The following ZMYND8 variants were observed in gnomAD, a reference collection of about 807,000 sequenced individuals.
ZMYND8 encodes the protein MYND-type zinc finger-containing chromatin reader ZMYND8.
Under a neutral mutation model 140.8 loss-of-function variants are expected in ZMYND8, and 37 were observed. The observed-to-expected ratio is 0.26, with a 90% CI of 0.20 to 0.35. The LOEUF (loss-of-function observed/expected upper bound fraction) is 0.35. ZMYND8 is among the 10% of genes least tolerant of loss of function. The probability of loss-of-function intolerance (pLI) is 1.00; values close to 1 mark genes in which losing one functional copy is unlikely to be tolerated. For missense variants in ZMYND8, 1,068 were observed against 1,570.0 expected (o/e 0.68, Z 5.40); for synonymous variants, 592 against 597.1 (o/e 0.99, Z 0.12).
chr20:47,356,258 A>T (rs909405353), intron 1 of ZMYND8: 8 of 986,330 alleles, frequency 8.1e-6, no homozygotes, highest in Non-Finnish European at 9.3e-6. Context: ...GCAAAAGAGA[A>T]GACAATAGTG....
chr20:47,240,513 C>T (rs1157224581), intron 14 of ZMYND8, among the ~76,000 whole-genome samples: 1 of 151,540 alleles, frequency 6.6e-6, no homozygotes, highest in Non-Finnish European at 1.5e-5. Context: ...GACTCCGTCT[C>T]AAAATAATAA....
chr20:47,268,118 A>G lies in ZMYND8; in HGVS notation c.1481-5690T>C, dbSNP rs1309359079. Among the ~76,000 whole-genome samples, 3 of 152,120 alleles carry G rather than the reference A, an allele frequency of 2.0e-5. No homozygotes were observed. The South Asian group carries it at 6.2e-4, about 32-fold the overall frequency. On this transcript the variant is annotated intron_variant, in intron 11 of 22. Transcript: ENST00000471951. The stretch of plus-strand genomic sequence containing the variant: ...CAGTGCATAAAATAATTGAAGAAGG[A>G]GGTTTCCATTTCTCTTCTCACTGCT...
chr20:47,287,095 A>T, intron 8 of ZMYND8, 134 bp downstream of exon 8: 1 of 688,764 alleles, frequency 1.5e-6, no homozygotes. Context: ...CTTTCCTTGA[A>T]GAGTAGGGGT....
In ZMYND8 at chr20:47,315,346, T is replaced by C. The variant is rs548457583; in HGVS notation, c.86-5142A>G. 2.4e-3 allele frequency among the ~76,000 whole-genome samples: 366 copies of C among 152,236 alleles called. 4 individuals are homozygous for C. The highest frequency in any genetic ancestry group is 8.5e-3 in the African/African-American group (355 of 41,550). ...TGCTGTTACAAACACCAATTCCCCC[T>C]GGAGTTGATGAGAGTTCAGTGACTG... is the stretch of plus-strand genomic sequence containing the variant. On this transcript the variant is annotated intron_variant, in intron 2 of 22. Transcript: ENST00000471951.
chr20:47,212,540 G>T, intron 22 of ZMYND8, 102 bp downstream of exon 22: 1 of 1,324,858 alleles, frequency 7.5e-7, no homozygotes, highest in South Asian at 1.2e-5. Context: ...AACAGGAGAA[G>T]ACACACCCAC....
intron 10 of ZMYND8, among the ~76,000 whole-genome samples, chr20:47,280,610 A>AT (rs1158383681): frequency 1.3e-5 from 2 of 151,942 alleles, no homozygotes; most frequent in Non-Finnish European, 2.9e-5. Context: ...GGTAGGTATT[A>AT]TTTTTTCCCA....
chr20:47,330,897 T>C (rs1035376940), intron 2 of ZMYND8, among the ~76,000 whole-genome samples: 1 of 152,188 alleles, frequency 6.6e-6, no homozygotes, highest in Non-Finnish European at 1.5e-5. Flanking sequence ...TAAAACAGGA[T>C]GAGCAAAAAC....
chr20:47,347,427 C>T (rs1482081207), intron 2 of ZMYND8, among the ~76,000 whole-genome samples: 2 of 152,240 alleles, frequency 1.3e-5, no homozygotes, highest in Non-Finnish European at 2.9e-5. Flanking sequence ...CTTTTTATCT[C>T]TAACCCAAGA....
intron 21 of ZMYND8, among the ~76,000 whole-genome samples, chr20:47,217,015 C>T (rs73302081): frequency 0.092 from 13,921 of 152,018 alleles, 1,095 homozygotes; most frequent in African/African-American, 0.21. Context: ...AAATCAAAAG[C>T]GGAAAGCTGG....
intron 16 of ZMYND8, among the ~76,000 whole-genome samples, chr20:47,230,650 T>C (rs1444711837): frequency 6.6e-6 from 1 of 152,166 alleles, no homozygotes; most frequent in Non-Finnish European, 1.5e-5. Context: ...GTTTTCATTA[T>C]TTCCCGTCAA....
At chr20:47,283,206 C>G (rs1348357045) in intron 9 of ZMYND8, among the ~76,000 whole-genome samples, 2 of 152,152 alleles carry the variant, frequency 1.3e-5, no homozygotes, top group Non-Finnish European at 2.9e-5. Context: ...GAAGTATTTT[C>G]AAACCTCTTA....
intron 3 of ZMYND8, among the ~76,000 whole-genome samples, chr20:47,301,964 C>T (rs2078082622): frequency 6.7e-6 from 1 of 149,104 alleles, no homozygotes. Flanking sequence ...AGGAGCTTTT[C>T]CTCCTCTTTG....
At chr20:47,238,440 C>G (rs1251965080) in intron 15 of ZMYND8, 1 of 439,020 alleles carries the variant, frequency 2.3e-6, no homozygotes, top group Non-Finnish European at 4.2e-6. Context: ...ATACTGGCCA[C>G]TGTGGAAGGG....
In ZMYND8 at chr20:47,262,369, A is replaced by G. The variant is rs1480961138; in HGVS notation, c.1540T>C (p.Phe514Leu). The G allele has an allele frequency of 6.2e-7, 1 of 1,613,484 alleles. No individual in the cohort carries two copies. Among genetic ancestry groups the G allele is most frequent in the Admixed American group, 1.7e-5 (1 of 59,918 alleles). ...ATAGGAGCTGACAGTTGAGGAGAGA[A>G]GGGCTTTGGGCTGCCGGATAAACTC... ...AGSLSGSPKP[F>L]SPQLSAPITT... Residue 514 changes from phenylalanine (F) to leucine (L), a missense_variant, in exon 12 of 23, where the codon TTC becomes CTC. This residue lies in a region of ZMYND8 where 173 missense variants were observed against 223.3 expected (regional missense o/e 0.77). Transcript: ENST00000471951.
chr20:47,250,153 G>T (rs536157343), intron 12 of ZMYND8, among the ~76,000 whole-genome samples: 26 of 152,252 alleles, frequency 1.7e-4, no homozygotes, highest in African/African-American at 6.3e-4. Flanking sequence ...AGAGGCCTCT[G>T]GGGGGTGACT....
intron 16 of ZMYND8, among the ~76,000 whole-genome samples, chr20:47,231,292 C>T (rs1028464915): frequency 1.3e-5 from 2 of 152,212 alleles, no homozygotes; most frequent in African/African-American, 4.8e-5. Flanking sequence ...TTGACTGGTG[C>T]TGAGTCTCTC....
chr20:47,230,285 T>G (rs1349181482), intron 16 of ZMYND8, among the ~76,000 whole-genome samples: 2 of 150,946 alleles, frequency 1.3e-5, no homozygotes, highest in East Asian at 1.9e-4. Flanking sequence ...ATGTGTGGTG[T>G]TTTTTTTGTT....
At chr20:47,318,857 C>A in intron 2 of ZMYND8, 1 of 1,001,708 alleles carries the variant, frequency 1.0e-6, no homozygotes, top group Non-Finnish European at 1.4e-6. Flanking sequence ...AAAGGTCACT[C>A]TCAACTTGGG....
chr20:47,274,549 G>A (rs1387461574), intron 11 of ZMYND8, among the ~76,000 whole-genome samples: 1 of 152,204 alleles, frequency 6.6e-6, no homozygotes, highest in African/African-American at 2.4e-5. Flanking sequence ...ATGGAACCGT[G>A]TCATGAAACA....
Sources: gnomAD v4.1 joint callset for allele counts (sites outside exome capture counted in the v4.1 genomes callset) on GRCh38, gnomAD v4.1.1 for gene constraint, gnomAD v4.1.1 regional missense constraint, MANE v1.5 for transcripts, NCBI Gene and HGNC (gene_info 2026-07-23, HGNC 2026-07-21) for gene names.